The following ZNF280D variants were observed in gnomAD, a reference collection of about 807,000 sequenced individuals.
The protein encoded by ZNF280D is zinc finger protein 280D, also known as suppressor of hairy wing homolog 4.
A neutral mutation model predicts 94.7 loss-of-function variants in ZNF280D; 39 were observed. The ratio of observed to expected loss-of-function variants is 0.41; its 90% CI spans 0.32 to 0.54. The LOEUF is 0.54. Among genes scored for constraint, ZNF280D ranks in the 20% least tolerant of loss-of-function variants. The probability of loss-of-function intolerance (pLI) is 0.22; values close to 1 mark genes in which losing one functional copy is unlikely to be tolerated. For synonymous variants in ZNF280D, 398 were observed against 377.6 expected, an observed-to-expected ratio of 1.05 and a Z score of -0.63; for missense variants, 1,090 against 1,149.3, an observed-to-expected ratio of 0.95 and a Z score of 0.75.
intron 1 of ZNF280D, among the ~76,000 whole-genome samples, chr15:56,714,372 A>G (rs917288969): frequency 4.6e-5 from 7 of 152,218 alleles, no homozygotes; most frequent in African/African-American, 1.7e-4. Flanking sequence ...TCTCCCGATA[A>G]TAAGCACTCT....
chr15:56,666,105 T>C (rs1273464767), intron 16 of ZNF280D, among the ~76,000 whole-genome samples: 1 of 152,172 alleles, frequency 6.6e-6, no homozygotes, highest in East Asian at 1.9e-4. Flanking sequence ...CACTCCAGCC[T>C]GGGCAACAGA....
At chr15:56,681,928 C>T (rs961155814) in intron 10 of ZNF280D, among the ~76,000 whole-genome samples, 1 of 151,844 alleles carries the variant, frequency 6.6e-6, no homozygotes, top group East Asian at 1.9e-4. Flanking sequence ...ATATAAAATT[C>T]AAAGGCAATT....
chr15:56,726,397 A>G (rs1435899401), intron 1 of ZNF280D, among the ~76,000 whole-genome samples: 5 of 152,122 alleles, frequency 3.3e-5, no homozygotes, highest in Admixed American at 6.5e-5. Context: ...CATTATTCAC[A>G]TTGTTTCCTA....
At chr15:56,635,047 G>C (rs923910368) in intron 21 of ZNF280D, 148 bp downstream of exon 21, 2 of 393,224 alleles carry the variant, frequency 5.1e-6, no homozygotes, top group African/African-American at 4.2e-5. Context: ...AAGTTTTTAA[G>C]TTTTATTTTA....
chr15:56,721,039 T>C (rs942063131), intron 1 of ZNF280D, among the ~76,000 whole-genome samples: 2 of 150,426 alleles, frequency 1.3e-5, no homozygotes, highest in Middle Eastern at 3.4e-3. Flanking sequence ...CTAAACTCAC[T>C]GCAACTTCTG....
Position 56,669,899 on chromosome 15 carries a change from TA to T in ZNF280D, c.1411-943del, listed in dbSNP as rs1566959937. Among the ~76,000 whole-genome samples, 13 of 7,846 alleles carry T rather than the reference TA, an allele frequency of 1.7e-3. 1 individual carries two copies. Among genetic ancestry groups the T allele is most frequent in the African/African-American group, 3.5e-3 (8 of 2,310 alleles). The allele number at this position is 7,846 out of a possible 152,430, so 5.1% of individuals were successfully genotyped here. On this transcript the variant is annotated intron_variant, in intron 13 of 21. Transcript: ENST00000267807. The stretch of plus-strand genomic sequence containing the variant: ...TATATATATATATATTATATATATA[TA>T]TAATATATATATATTATATATATAT...
intron 1 of ZNF280D, among the ~76,000 whole-genome samples, chr15:56,713,783 T>A (rs1440457491): frequency 6.6e-6 from 1 of 152,170 alleles, no homozygotes; most frequent in Non-Finnish European, 1.5e-5. Context: ...AAAAGAGCAA[T>A]TTTTAAAACT....
chr15:56,695,066 TTG>T (rs10563061), intron 6 of ZNF280D, among the ~76,000 whole-genome samples: 5,539 of 150,478 alleles, frequency 0.037, 272 homozygotes, highest in African/African-American at 0.11. Context: ...TTCACTTCCT[TTG>T]TGTGTGTGTG....
chr15:56,729,933 A>G (rs1027268176), intron 1 of ZNF280D: 3 of 152,238 alleles, frequency 2.0e-5, no homozygotes, highest in Non-Finnish European at 2.9e-5. Flanking sequence ...TGCATGAAAT[A>G]GATTTTTTAT....
At chr15:56,709,874 G>A (rs1405700828) in intron 1 of ZNF280D, among the ~76,000 whole-genome samples, 18 of 152,122 alleles carry the variant, frequency 1.2e-4, no homozygotes, top group Non-Finnish European at 2.9e-5. Context: ...GGGGGTAGAG[G>A]GGAGGGATAG....
At chr15:56,647,873 C>CAG (rs2052987071) in intron 19 of ZNF280D, among the ~76,000 whole-genome samples, 2 of 152,148 alleles carry the variant, frequency 1.3e-5, no homozygotes, top group South Asian at 4.1e-4. Context: ...AATCAACATC[C>CAG]AGAGAATGAC....
At chr15:56,686,130 T>C (rs1187411382) in intron 9 of ZNF280D, among the ~76,000 whole-genome samples, 2 of 152,116 alleles carry the variant, frequency 1.3e-5, no homozygotes, top group Non-Finnish European at 2.9e-5. Flanking sequence ...AAAGGATACA[T>C]TCACAATACA....
At chr15:56,660,594 C>T (rs2053868806) in intron 16 of ZNF280D, among the ~76,000 whole-genome samples, 1 of 151,906 alleles carries the variant, frequency 6.6e-6, no homozygotes, top group African/African-American at 2.4e-5. Context: ...ATTAGCTCTC[C>T]ATAAAGGTAA....
In ZNF280D at chr15:56,631,334, A is replaced by G; in HGVS notation, c.*164T>C. On this transcript the variant is annotated 3_prime_UTR_variant, in exon 22 of 22. Coordinates refer to ENST00000267807, the MANE Select transcript of ZNF280D (RefSeq NM_017661.4). ...CTACTAATCATGCTATTATTGGTGA[A>G]TTGATTTGTTTGATAACATAGGTTG... 1.5e-6 allele frequency: 1 copy of G among 685,586 alleles called. No individual in the cohort carries two copies. The highest frequency in any genetic ancestry group is 1.8e-5 in the African/African-American group (1 of 56,270). 42.5% of individuals were successfully genotyped at this position (685,586 alleles called of 1,614,324 possible). A position where few individuals can be genotyped will look rare whatever the true frequency, so the allele number is the denominator to read the frequency against.
rs144164189 is a variant in ZNF280D, at chr15:56,664,886, A to G, written c.1994+1509T>C. 2.7e-3 allele frequency among the ~76,000 whole-genome samples: 411 copies of G among 152,298 alleles called. 1 individual carries two copies. Among genetic ancestry groups the G allele is most frequent in the African/African-American group, 9.4e-3 (392 of 41,564 alleles). ...ATTCTAGGACAAAAAGCCACAATCA[A>G]AACAGATGATCCTGAGAGTAAGGTT... On this transcript the variant is annotated intron_variant, in intron 16 of 21. Transcript: ENST00000267807.
Position 56,689,159 on chromosome 15 carries a change from A to C in ZNF280D, c.671-9T>G, listed in dbSNP as rs753876168. ...TGATGAGGTATTTGTACCTAAAATAAATTCAGAACATTTATGACTCAAAAT... is the reference window on the plus strand; with the variant it reads ...TGATGAGGTATTTGTACCTAAAATACATTCAGAACATTTATGACTCAAAAT... On this transcript the variant is annotated splice_polypyrimidine_tract_variant and intron_variant, in intron 8 of 21. Coordinates refer to ENST00000267807, the MANE Select transcript of ZNF280D (RefSeq NM_017661.4). 1 of 1,597,768 alleles carries C rather than the reference A, an allele frequency of 6.3e-7. No homozygotes were observed. Among genetic ancestry groups the C allele is most frequent in the South Asian group, 1.1e-5 (1 of 87,544 alleles).
At position 56,707,097 on chromosome 15, in the gene ZNF280D, G is replaced by T. The variant is rs749217249; in HGVS notation, c.13C>A (p.Pro5Thr). The T allele has an allele frequency of 6.8e-6, 11 of 1,613,740 alleles. No homozygotes were observed. The highest frequency in any genetic ancestry group is 6.8e-6 in the Non-Finnish European group (8 of 1,179,912). Residue 5 changes from proline (P) to threonine (T), a missense_variant, in exon 3 of 22, where the codon CCT (proline) becomes ACT (threonine). Physicochemically the swap from Pro to Thr is conservative, Grantham distance 38. This residue lies in a region of ZNF280D where 386 missense variants were observed against 372.0 expected (regional missense o/e 1.04). Coordinates refer to ENST00000267807, the MANE Select transcript of ZNF280D (RefSeq NM_017661.4). MGDN[P>T]FQPKSNSKMA... The stretch of plus-strand genomic sequence containing the variant: ...CAACACTTACTTTTTGGTTGAAAAG[G>T]GTTGTCGCCCATCAAGCTGCAGAGA...
chr15:56,646,664 TC>T (rs1454698301), intron 19 of ZNF280D, among the ~76,000 whole-genome samples: 3 of 152,184 alleles, frequency 2.0e-5, no homozygotes, highest in African/African-American at 7.2e-5. Context: ...TACTAAGTGT[TC>T]CAGTCCAAAG....
Position 56,726,082 on chromosome 15 carries a change from G to GT in ZNF280D, c.-86+7375dup, listed in dbSNP as rs138173038. Among the ~76,000 whole-genome samples, 406 of 152,054 alleles carry GT rather than the reference G, an allele frequency of 2.7e-3. 2 individuals are homozygous for GT. The highest frequency in any genetic ancestry group is 0.017 in the Middle Eastern group (5 of 294). ...TTTTTATTATGAAGGGTCTCTGAAGGTAAAGCTTGGAAGAAAGGTTTAAGA... is the reference window on the plus strand; with the variant it reads ...TTTTTATTATGAAGGGTCTCTGAAGGTTAAAGCTTGGAAGAAAGGTTTAAGA... On this transcript the variant is annotated intron_variant, in intron 1 of 21. Coordinates refer to ENST00000267807, the MANE Select transcript of ZNF280D (RefSeq NM_017661.4).
Sources: gnomAD v4.1 joint callset for allele counts (sites outside exome capture counted in the v4.1 genomes callset) on GRCh38, gnomAD v4.1.1 for gene constraint, gnomAD v4.1.1 regional missense constraint, MANE v1.5 for transcripts, NCBI Gene and HGNC (gene_info 2026-07-23, HGNC 2026-07-21) for gene names.